The following CROCC variants were observed in gnomAD, a reference collection of about 807,000 sequenced individuals.
CROCC encodes rootletin.
CROCC carries 180 observed loss-of-function variants against 245.2 expected under a neutral mutation model. The observed-to-expected ratio is 0.73, with a 90% CI of 0.65 to 0.83. CROCC has a LOEUF of 0.83. Among genes scored for constraint, CROCC ranks in the 40% least tolerant of loss-of-function variants. The probability of loss-of-function intolerance (pLI) is 0.00; values close to 1 mark genes in which losing one functional copy is unlikely to be tolerated. For missense variants in CROCC, 2,688 were observed against 2,779.4 expected, an observed-to-expected ratio of 0.97 and a Z score of 0.74; for synonymous variants, 1,205 against 1,241.6, an observed-to-expected ratio of 0.97 and a Z score of 0.62.
chr1:16,952,733 G>A (rs1570677911), intron 20 of CROCC, among the ~76,000 whole-genome samples: 1 of 152,152 alleles, frequency 6.6e-6, no homozygotes, highest in Non-Finnish European at 1.5e-5. Flanking sequence ...AGCTCCTCTG[G>A]CAACCCCTGA....
At chr1:16,967,591 A>G (rs530919029) in intron 30 of CROCC, among the ~76,000 whole-genome samples, 1 of 152,150 alleles carries the variant, frequency 6.6e-6, no homozygotes, top group East Asian at 1.9e-4. Flanking sequence ...GGCTCAGGAT[A>G]GGGGCTGGGG....
At position 16,958,643 on chromosome 1, in the gene CROCC, C is replaced by T. The variant is rs768578674; in HGVS notation, c.3925C>T (p.Arg1309Cys). ...LGRELAELQGRLALGERAEKE... is the reference protein window; with the variant it reads ...LGRELAELQGCLALGERAEKE... Reference sequence around the variant, plus strand: ...CCGGGAGCTGGCGGAGCTGCAGGGCCGCCTGGCGCTGGGCGAGCGGGCAGA... The same window carrying T: ...CCGGGAGCTGGCGGAGCTGCAGGGCTGCCTGGCGCTGGGCGAGCGGGCAGA... The change falls in exon 26 of 37, where the codon CGC becomes TGC. Residue 1309 changes from arginine to cysteine, a missense_variant. By Grantham distance (180) the Arg-to-Cys change is radical. Coordinates refer to ENST00000375541, the MANE Select transcript of CROCC (RefSeq NM_014675.5). The T allele has an allele frequency of 6.4e-6, 10 of 1,555,812 alleles. No individual in the cohort carries two copies. Among genetic ancestry groups the T allele is most frequent in the East Asian group, 4.8e-5 (2 of 41,728 alleles).
chr1:16,971,064 T>C, intron 35 of CROCC: 1 of 445,914 alleles, frequency 2.2e-6, no homozygotes, highest in Admixed American at 3.9e-5. Context: ...GTGCATGGTG[T>C]GGCGTGTCTA....
chr1:16,961,883 C>G (rs998645168), intron 27 of CROCC, among the ~76,000 whole-genome samples: 2 of 152,134 alleles, frequency 1.3e-5, no homozygotes, highest in African/African-American at 2.4e-5. Context: ...CGTGAGCCAC[C>G]GTGCCTTTCC....
At chr1:16,961,487 G>A (rs575065364) in intron 27 of CROCC, among the ~76,000 whole-genome samples, 3 of 152,108 alleles carry the variant, frequency 2.0e-5, no homozygotes, top group Non-Finnish European at 4.4e-5. Context: ...GCCCAGGCTG[G>A]TCTTAAACTC....
chr1:16,943,537 CA>C (rs879660607), intron 13 of CROCC, among the ~76,000 whole-genome samples: 39 of 142,998 alleles, frequency 2.7e-4, no homozygotes, highest in Admixed American at 2.8e-4. Flanking sequence ...GACTCCGTCT[CA>C]AAAAAAAAAA....
At position 16,929,882 on chromosome 1, in the gene CROCC, G is replaced by A. The variant is rs1399236364; in HGVS notation, c.388G>A (p.Glu130Lys). 4.4e-6 allele frequency: 7 copies of A among 1,582,828 alleles called. No individual in the cohort carries two copies. In the African/African-American group the frequency reaches 8.0e-5, roughly 18 times the overall value. ...TCTGCGGCTGGAGCCTGGGGAGCTG[G>A]AGACGCAGGAGCCCAGGGGGCTGGT... ...QALRLEPGEL[E>K]TQEPRGLVRQ... is the part of the protein sequence containing the mutation. The change falls in exon 4 of 37, where the codon GAG becomes AAG. Residue 130 changes from glutamate (E) to lysine (K), a missense_variant. Coordinates refer to ENST00000375541, the MANE Select transcript of CROCC (RefSeq NM_014675.5).
rs1373334387 is a variant in CROCC, at chr1:16,947,358, A to G, written c.2514+367A>G. Among the ~76,000 whole-genome samples, 3 of 152,240 alleles carry G rather than the reference A, an allele frequency of 2.0e-5. No individual in the cohort carries two copies. In the South Asian group the frequency reaches 6.2e-4, roughly 32 times the overall value. ...GTGGCACGCGCCTGTAGTCCCAGCT[A>G]CTTGGGAGGCTGAGGCAGGAGAATC... On this transcript the variant is annotated intron_variant, in intron 17 of 36. Coordinates refer to ENST00000375541, the MANE Select transcript of CROCC (RefSeq NM_014675.5).
rs1466211349 is a variant in CROCC at position 16,966,716 on chromosome 1, C to T, written c.4860+145C>T. The stretch of plus-strand genomic sequence containing the variant: ...TGACCAGCCTGTGACTCTGTGAAAC[C>T]ATGTTCAGACTCCATCCTCTCATGT... On this transcript the variant is annotated intron_variant, in intron 30 of 36. Coordinates refer to ENST00000375541, the MANE Select transcript of CROCC (RefSeq NM_014675.5). This position sits in a 1 kb window ranked among gnomAD's most constrained non-coding sequence, Gnocchi z 4.8. The T allele has an allele frequency of 4.3e-6, 4 of 932,504 alleles. No homozygotes were observed. Among genetic ancestry groups the T allele is most frequent in the Non-Finnish European group, 6.0e-6 (4 of 666,528 alleles). 57.8% of individuals were successfully genotyped at this position (932,504 alleles called of 1,614,324 possible). A position where few individuals can be genotyped will look rare whatever the true frequency, so the allele number is the denominator to read the frequency against.
In CROCC at chr1:16,967,188, T is replaced by C. The variant is rs149259857; in HGVS notation, c.4860+617T>C. On this transcript the variant is annotated intron_variant, in intron 30 of 36. Transcript: ENST00000375541. Reference sequence around the variant, plus strand: ...ACGTCACAGGGTGACACACACAGGCTCTTATCACAGGTGGTACTCAGGGGG... The same window carrying C: ...ACGTCACAGGGTGACACACACAGGCCCTTATCACAGGTGGTACTCAGGGGG... 6.4e-3 allele frequency among the ~76,000 whole-genome samples: 968 copies of C among 152,296 alleles called. 17 individuals carry two copies. Among genetic ancestry groups the C allele is most frequent in the African/African-American group, 0.022 (921 of 41,560 alleles).
rs1403543861 is a variant in CROCC, at chr1:16,969,835, C to T, written c.5352C>T (p.Ser1784=). 6.2e-7 allele frequency: 1 copy of T among 1,613,388 alleles called. No homozygotes were observed. Among genetic ancestry groups the T allele is most frequent in the South Asian group, 1.1e-5 (1 of 91,006 alleles). ...CATTATCTGAGGCACGGAAGCAGAGCAGCTCCCTGGGCGAGCAGGTGCAGA... is the reference window on the plus strand; with the variant it reads ...CATTATCTGAGGCACGGAAGCAGAGTAGCTCCCTGGGCGAGCAGGTGCAGA... The part of the protein sequence containing the change: ...RQALSEARKQ[S]SSLGEQVQTL... Residue 1784 remains serine (S), a synonymous_variant, in exon 33 of 37, where the codon AGC becomes AGT. Coordinates refer to ENST00000375541, the MANE Select transcript of CROCC (RefSeq NM_014675.5).
At chr1:16,969,395 G>T in intron 32 of CROCC, 55 bp downstream of exon 32, 1 of 1,530,934 alleles carries the variant, frequency 6.5e-7, no homozygotes, top group Non-Finnish European at 8.9e-7. Flanking sequence ...CAGCCAGTAA[G>T]AGCAGGCTTG....
Position 16,930,732 on chromosome 1 carries a change from A to G in CROCC, c.849+138A>G, listed in dbSNP as rs1384381741. ...TTAGCAGAAGTAAATAGCCGTCATCACAATAGCTGGTCTTTATCAGTGTGT... is the reference window on the plus strand; with the variant it reads ...TTAGCAGAAGTAAATAGCCGTCATCGCAATAGCTGGTCTTTATCAGTGTGT... On this transcript the variant is annotated intron_variant, in intron 7 of 36. Transcript: ENST00000375541. The G allele has an allele frequency of 5.8e-6, 6 of 1,038,510 alleles. No homozygotes were observed. In the African/African-American group the frequency reaches 9.3e-5, roughly 16 times the overall value. The allele number at this position is 1,038,510 out of a possible 1,614,324, so 64.3% of individuals were successfully genotyped here.
chr1:16,947,491 A>ATAATAATAATGATACAGAT, intron 17 of CROCC, among the ~76,000 whole-genome samples: 1 of 150,996 alleles, frequency 6.6e-6, no homozygotes, highest in East Asian at 1.9e-4. Context: ...AATAATAATA[A>ATAATAATAATGATACAGAT]TAATAATAAT....
intron 7 of CROCC, among the ~76,000 whole-genome samples, chr1:16,931,078 G>C (rs1241364062): frequency 6.6e-6 from 1 of 152,282 alleles, no homozygotes; most frequent in East Asian, 1.9e-4. Context: ...GCAGCCAAAA[G>C]AGGACTTGAA....
At chr1:16,932,631 A>G (rs185408812) in intron 8 of CROCC, among the ~76,000 whole-genome samples, 702 of 152,190 alleles carry the variant, frequency 4.6e-3, no homozygotes, top group Admixed American at 7.9e-3. Flanking sequence ...AGGCGCTCCA[A>G]GCAGGAGCAA....
At chr1:16,933,060 C>T (rs2075713481) in intron 8 of CROCC, among the ~76,000 whole-genome samples, 1 of 152,252 alleles carries the variant, frequency 6.6e-6, no homozygotes, top group African/African-American at 2.4e-5. Flanking sequence ...ATCCTCCTGC[C>T]TTGACCTCCC....
At chr1:16,960,696 T>C (rs1040379670) in intron 26 of CROCC, 62 bp from the exon 27 acceptor site, 1 of 1,419,406 alleles carries the variant, frequency 7.0e-7, no homozygotes, top group African/African-American at 1.5e-5. Context: ...GTCTGGGCCT[T>C]AGGGGTGGGG....
chr1:16,937,801 G>C (rs9435792), intron 10 of CROCC, 64 bp downstream of exon 10: 76 of 1,389,658 alleles, frequency 5.5e-5, no homozygotes, highest in Non-Finnish European at 7.1e-5. Context: ...ATCCATGGAC[G>C]CAGGCTTAGG....
Sources: gnomAD v4.1 joint callset for allele counts (sites outside exome capture counted in the v4.1 genomes callset) on GRCh38, gnomAD v4.1.1 for gene constraint, Gnocchi (gnomAD v3.1) non-coding constraint, MANE v1.5 for transcripts, NCBI Gene and HGNC (gene_info 2026-07-23, HGNC 2026-07-21) for gene names.